DGKG: variants seen among roughly 807,000 people sequenced by gnomAD.
DGKG encodes diacylglycerol kinase gamma.
Under a neutral mutation model 105.3 loss-of-function variants are expected in DGKG, and 78 were observed. The ratio of observed to expected loss-of-function variants is 0.74; its 90% CI spans 0.62 to 0.89. The LOEUF is 0.89. Ranked by LOEUF, DGKG falls within the 40% of genes least tolerant of loss-of-function variation. The pLI is 0.00. For missense variants in DGKG, 958 were observed against 1,020.1 expected, an observed-to-expected ratio of 0.94 and a Z score of 0.83; for synonymous variants, 346 against 367.1, an observed-to-expected ratio of 0.94 and a Z score of 0.66.
intron 3 of DGKG, among the ~76,000 whole-genome samples, chr3:186,305,949 G>C (rs1224105816): frequency 4.6e-5 from 7 of 152,110 alleles, no homozygotes; most frequent in Admixed American, 4.6e-4. Flanking sequence ...AGTTTGAGAT[G>C]CCCATTTGAT....
At chr3:186,283,304 C>T (rs1413172822) in intron 7 of DGKG, among the ~76,000 whole-genome samples, 1 of 152,164 alleles carries the variant, frequency 6.6e-6, no homozygotes, top group Non-Finnish European at 1.5e-5. Context: ...CCTATTACTT[C>T]CTCACTGTGA....
At chr3:186,227,103 G>T (rs1367348285) in intron 20 of DGKG, among the ~76,000 whole-genome samples, 2 of 152,182 alleles carry the variant, frequency 1.3e-5, no homozygotes, top group Admixed American at 6.5e-5. Flanking sequence ...CTTACACTGA[G>T]AAGGGGGTTG....
chr3:186,201,521 T>C (rs1718460754), intron 21 of DGKG, among the ~76,000 whole-genome samples: 1 of 152,146 alleles, frequency 6.6e-6, no homozygotes, highest in Non-Finnish European at 1.5e-5. Flanking sequence ...TGGTTCACAG[T>C]TGTCCCGGAC....
chr3:186,253,272 C>A, intron 17 of DGKG, 90 bp from the exon 18 acceptor site: 1 of 1,004,976 alleles, frequency 1.0e-6, no homozygotes. Context: ...GATGCTTGAA[C>A]CCCTCCATAG....
At chr3:186,218,241 AC>A (rs1370317326) in intron 20 of DGKG, among the ~76,000 whole-genome samples, 1 of 152,126 alleles carries the variant, frequency 6.6e-6, no homozygotes, top group Non-Finnish European at 1.5e-5. Context: ...ACAGTGGCTC[AC>A]ACCTGTAATC....
Position 186,148,051 on chromosome 3 carries a change from A to C in DGKG, c.*2039T>G, listed in dbSNP as rs539902701. 10 of 985,418 alleles carry C rather than the reference A, an allele frequency of 1.0e-5. No individual in the cohort carries two copies. The East Asian group carries it at 9.1e-4, about 89-fold the overall frequency. The allele number at this position is 985,418 out of a possible 1,614,324, so 61.0% of individuals were successfully genotyped here. A position where few individuals can be genotyped will look rare whatever the true frequency, so the allele number is the denominator to read the frequency against. ...ATCTTAATATTCCCTTCTTTGTCCA[A>C]AGCTCCTGTCCAATGCAAGATTAGA... On this transcript the variant is annotated 3_prime_UTR_variant, in exon 25 of 25. Coordinates refer to ENST00000265022, the MANE Select transcript of DGKG (RefSeq NM_001346.3).
intron 1 of DGKG, among the ~76,000 whole-genome samples, chr3:186,335,220 T>TA (rs1560161106): frequency 6.6e-6 from 1 of 152,016 alleles, no homozygotes; most frequent in East Asian, 1.9e-4. Flanking sequence ...AACAGGCGCC[T>TA]ACTACTGCAC....
chr3:186,259,467 G>A (rs1376515948), intron 16 of DGKG, among the ~76,000 whole-genome samples: 2 of 152,168 alleles, frequency 1.3e-5, no homozygotes, highest in South Asian at 2.1e-4. Context: ...TACTGAATCC[G>A]CACTTATGTT....
At chr3:186,232,091 C>T (rs1418150653) in intron 20 of DGKG, among the ~76,000 whole-genome samples, 1 of 152,194 alleles carries the variant, frequency 6.6e-6, no homozygotes, top group Non-Finnish European at 1.5e-5. Context: ...ATTTACCCTG[C>T]ACGATAGTAG....
intron 20 of DGKG, among the ~76,000 whole-genome samples, chr3:186,230,193 G>A (rs1720081789): frequency 6.6e-6 from 1 of 152,198 alleles, no homozygotes; most frequent in Non-Finnish European, 1.5e-5. Flanking sequence ...AGGAGGTGGA[G>A]GCTGCAGTGA....
chr3:186,320,523 A>G lies in DGKG; in HGVS notation c.-64T>C. 1 of 1,613,402 alleles carries G rather than the reference A, an allele frequency of 6.2e-7. No homozygotes were observed. The highest frequency in any genetic ancestry group is 8.5e-7 in the Non-Finnish European group (1 of 1,179,576). On this transcript the variant is annotated 5_prime_UTR_variant, in exon 2 of 25. Coordinates refer to ENST00000265022, the MANE Select transcript of DGKG (RefSeq NM_001346.3). ...AGTTTTGTTCACTAGGCTGAAGTGGAGGCCCAGCCCAGGGCCTGGCTCATT... is the reference window on the plus strand; with the variant it reads ...AGTTTTGTTCACTAGGCTGAAGTGGGGGCCCAGCCCAGGGCCTGGCTCATT...
In DGKG at chr3:186,318,460, C is replaced by T. The variant is rs577183030; in HGVS notation, c.67+1933G>A. 2.8e-4 allele frequency among the ~76,000 whole-genome samples: 43 copies of T among 152,284 alleles called. No individual in the cohort carries two copies. The South Asian group carries it at 5.8e-3, about 21-fold the overall frequency. Reference sequence around the variant, plus strand: ...TTTATCCAGCTAAATCCTCTGTTATCGGTTCAACCGTGCCCTAAACCTCAA... The same window carrying T: ...TTTATCCAGCTAAATCCTCTGTTATTGGTTCAACCGTGCCCTAAACCTCAA... On this transcript the variant is annotated intron_variant, in intron 2 of 24. Transcript: ENST00000265022.
At position 186,147,612 on chromosome 3, in the gene DGKG, T is replaced by C. The variant is rs905516912; in HGVS notation, c.*2478A>G. ...CTTGGGATATGTCTCTCAAGCAACA[T>C]TGCAAGTCCTGTGCACTAGGGTGCA... On this transcript the variant is annotated 3_prime_UTR_variant, in exon 25 of 25. Coordinates refer to ENST00000265022, the MANE Select transcript of DGKG (RefSeq NM_001346.3). The C allele has an allele frequency of 9.1e-6, 9 of 985,326 alleles. No individual in the cohort carries two copies. In the East Asian group the frequency reaches 4.5e-4, roughly 50 times the overall value. 61.0% of individuals were successfully genotyped at this position (985,326 alleles called of 1,614,324 possible). A position where few individuals can be genotyped will look rare whatever the true frequency, so the allele number is the denominator to read the frequency against.
chr3:186,236,812 C>T (rs1168619141), intron 20 of DGKG, among the ~76,000 whole-genome samples: 2 of 152,228 alleles, frequency 1.3e-5, no homozygotes, highest in East Asian at 3.8e-4. Context: ...CAGGAAATAA[C>T]TTGCTTCAGC....
intron 23 of DGKG, among the ~76,000 whole-genome samples, chr3:186,163,350 G>A (rs1476258921): frequency 6.6e-6 from 1 of 152,144 alleles, no homozygotes. Context: ...ACTTCCCTCT[G>A]CAGAAGAGTT....
intron 10 of DGKG, 97 bp from the exon 11 acceptor site, chr3:186,272,440 G>A: frequency 1.2e-6 from 1 of 865,902 alleles, no homozygotes; most frequent in Non-Finnish European, 1.9e-6. Context: ...ACCTCCCTTT[G>A]GGTGGCTGGC....
Position 186,148,531 on chromosome 3 carries a change from G to A in DGKG, c.*1559C>T, listed in dbSNP as rs1410697950. ...ACGTTTGTTCCTCCCTGGCAACCTG[G>A]ATCCAAGTGGACTCACTTTTCAGTG... On this transcript the variant is annotated 3_prime_UTR_variant, in exon 25 of 25. Coordinates refer to ENST00000265022, the MANE Select transcript of DGKG (RefSeq NM_001346.3). 5 of 985,286 alleles carry A rather than the reference G, an allele frequency of 5.1e-6. No homozygotes were observed. In the East Asian group the frequency reaches 5.7e-4, roughly 112 times the overall value. 61.0% of individuals were successfully genotyped at this position (985,286 alleles called of 1,614,324 possible).
chr3:186,275,168 C>T (rs564420445), intron 10 of DGKG, among the ~76,000 whole-genome samples: 2 of 152,148 alleles, frequency 1.3e-5, no homozygotes, highest in East Asian at 1.9e-4. Context: ...TGTGAGCCAC[C>T]GTACTTGGCC....
intron 1 of DGKG, among the ~76,000 whole-genome samples, chr3:186,321,920 C>A (rs1490336692): frequency 6.6e-6 from 1 of 152,184 alleles, no homozygotes; most frequent in Non-Finnish European, 1.5e-5. Flanking sequence ...TCTCCTTAAT[C>A]CAGCCAGCTC....
Sources: allele counts gnomAD v4.1 joint callset (sites outside exome capture counted in the v4.1 genomes callset), GRCh38; gene constraint gnomAD v4.1.1; transcripts MANE v1.5; gene names NCBI Gene and HGNC (gene_info 2026-07-23, HGNC 2026-07-21).